The following CNOT6 variants were observed in gnomAD, a reference collection of about 807,000 sequenced individuals.
CNOT6 encodes carbon catabolite repression 4 protein.
CNOT6 carries 12 observed loss-of-function variants against 61.2 expected under a neutral mutation model. That is an observed-to-expected ratio of 0.20 (90% CI 0.13 to 0.32). The LOEUF is 0.32. Ranked by LOEUF, CNOT6 falls within the 10% of genes least tolerant of loss-of-function variation. The pLI is 1.00. For synonymous variants in CNOT6, 225 were observed against 240.6 expected, an observed-to-expected ratio of 0.94 and a Z score of 0.60; for missense variants, 405 against 663.9, an observed-to-expected ratio of 0.61 and a Z score of 4.28.
intron 6 of CNOT6, among the ~76,000 whole-genome samples, chr5:180,565,478 A>G (rs1031228327): frequency 5.9e-5 from 9 of 152,242 alleles, no homozygotes; most frequent in African/African-American, 1.2e-4. Flanking sequence ...CAGTTTCCAC[A>G]TCTTACATTA....
intron 4 of CNOT6, among the ~76,000 whole-genome samples, chr5:180,560,026 G>A (rs1760087695): frequency 6.7e-6 from 1 of 150,184 alleles, no homozygotes; most frequent in South Asian, 2.1e-4. Context: ...TCGGCTCACT[G>A]CAAGTTCCGC....
intron 4 of CNOT6, among the ~76,000 whole-genome samples, chr5:180,561,356 T>TGTGTG (rs1760173264): frequency 1.4e-5 from 2 of 144,746 alleles, no homozygotes; most frequent in African/African-American, 5.2e-5. Flanking sequence ...CTTGTGTGTT[T>TGTGTG]TGTGTGTGTG....
intron 10 of CNOT6, among the ~76,000 whole-genome samples, chr5:180,570,910 A>C (rs1760717415): frequency 6.6e-6 from 1 of 152,234 alleles, no homozygotes; most frequent in Non-Finnish European, 1.5e-5. Context: ...TGTTATCTTT[A>C]ATTCTTTGTA....
At chr5:180,562,406 T>C (rs1479546102) in intron 4 of CNOT6, among the ~76,000 whole-genome samples, 1 of 152,178 alleles carries the variant, frequency 6.6e-6, no homozygotes, top group Non-Finnish European at 1.5e-5. Context: ...ATATATTGTT[T>C]TCTGTTTCCA....
chr5:180,518,777 T>C (rs753016761), intron 1 of CNOT6, among the ~76,000 whole-genome samples: 14 of 152,176 alleles, frequency 9.2e-5, no homozygotes, highest in Non-Finnish European at 1.5e-4. Context: ...CTGGGATTAC[T>C]GGTATGAGCC....
At chr5:180,553,301 T>G (rs1759713063) in intron 3 of CNOT6, 85 bp from the exon 4 acceptor site, 2 of 861,540 alleles carry the variant, frequency 2.3e-6, no homozygotes, top group South Asian at 1.5e-5. Context: ...TCTTAGGTGC[T>G]TATGTTCCTA....
intron 2 of CNOT6, among the ~76,000 whole-genome samples, chr5:180,531,737 C>T (rs552260887): frequency 3.3e-5 from 5 of 152,362 alleles, no homozygotes; most frequent in African/African-American, 9.6e-5. Context: ...AATCCCGGCA[C>T]CTCGGGAGGC....
At position 180,550,042 on chromosome 5, in the gene CNOT6, ATC is replaced by A; in HGVS notation, c.226_227del (p.Leu76GlyfsTer8). ...CCTTCAGACATTGCCAAGCTTCACA[ATC>A]TGGTGTATTTGGACCTGTCATCTAA... On this transcript the variant is annotated frameshift_variant, in exon 3 of 12. Transcript: ENST00000261951. LOFTEE classifies it high-confidence loss of function. 6.2e-7 allele frequency: 1 copy of A among 1,614,096 alleles called. No homozygotes were observed. Among genetic ancestry groups the A allele is most frequent in the Non-Finnish European group, 8.5e-7 (1 of 1,179,966 alleles).
chr5:180,554,615 G>A (rs911195353), intron 4 of CNOT6, among the ~76,000 whole-genome samples: 1 of 151,574 alleles, frequency 6.6e-6, no homozygotes. Context: ...TTTTTTCTGT[G>A]TGGGCTGAAC....
chr5:180,545,507 A>G (rs866016017), intron 2 of CNOT6, among the ~76,000 whole-genome samples: 3 of 151,712 alleles, frequency 2.0e-5, no homozygotes, highest in Non-Finnish European at 2.9e-5. Flanking sequence ...TATCCTCTAT[A>G]CTTATCCTGT....
rs151122228 is a variant in CNOT6, at chr5:180,533,840, C to T, written c.112+4452C>T. On this transcript the variant is annotated intron_variant, in intron 2 of 11. Coordinates refer to ENST00000261951, the MANE Select transcript of CNOT6 (RefSeq NM_001370472.1). Reference sequence around the variant, plus strand: ...TATCCCTCCATAGAACCACCACTCACACCAAGGAGATTATTTGGAGTGGGT... The same window carrying T: ...TATCCCTCCATAGAACCACCACTCATACCAAGGAGATTATTTGGAGTGGGT... 2.5e-3 allele frequency among the ~76,000 whole-genome samples: 380 copies of T among 152,302 alleles called. 3 individuals are homozygous for T. Among genetic ancestry groups the T allele is most frequent in the Non-Finnish European group, 4.4e-3 (296 of 68,040 alleles).
rs755199929 is a variant in CNOT6, at chr5:180,571,395, G to T, written c.1424G>T (p.Gly475Val). The T allele has an allele frequency of 6.2e-7, 1 of 1,614,158 alleles. No individual in the cohort carries two copies. The highest frequency in any genetic ancestry group is 8.5e-7 in the Non-Finnish European group (1 of 1,180,002). The change falls in exon 11 of 12, where the codon GGC (glycine) becomes GTC (valine). Residue 475 changes from glycine (G) to valine (V), a missense_variant. Physicochemically the swap from Gly to Val is moderately radical, Grantham distance 109 (BLOSUM62 -3). Transcript: ENST00000261951. Reference protein sequence around the residue: ...GFKLQSAYESGLMPYTNYTFD... With the variant: ...GFKLQSAYESVLMPYTNYTFD... ...AAGTTACAGAGTGCCTATGAGAGTG[G>T]CCTGATGCCTTACACGAATTACACA...
chr5:180,512,325 G>A (rs961628495), intron 1 of CNOT6, among the ~76,000 whole-genome samples: 1 of 152,214 alleles, frequency 6.6e-6, no homozygotes, highest in African/African-American at 2.4e-5. Context: ...TGTGAAAATG[G>A]TATCACTAAA....
intron 2 of CNOT6, among the ~76,000 whole-genome samples, chr5:180,536,288 C>G (rs769028287): frequency 6.6e-6 from 1 of 151,924 alleles, no homozygotes; most frequent in Non-Finnish European, 1.5e-5. Flanking sequence ...TGTGAGCCAC[C>G]GTGCCTGGCC....
chr5:180,539,822 C>T (rs1758939351), intron 2 of CNOT6, among the ~76,000 whole-genome samples: 1 of 151,946 alleles, frequency 6.6e-6, no homozygotes, highest in South Asian at 2.1e-4. Context: ...ATCTCCTGAC[C>T]TCATGATCCG....
intron 11 of CNOT6, 56 bp downstream of exon 11, chr5:180,571,488 G>A: frequency 8.1e-7 from 1 of 1,240,850 alleles, no homozygotes; most frequent in Non-Finnish European, 1.2e-6. Context: ...CAGGTGTTCT[G>A]ATACATCATT....
chr5:180,556,674 C>T (rs1449500132), intron 4 of CNOT6, among the ~76,000 whole-genome samples: 3 of 152,176 alleles, frequency 2.0e-5, no homozygotes, highest in Non-Finnish European at 2.9e-5. Context: ...GCTACCATCC[C>T]GGGCGCAGTG....
chr5:180,510,441 T>C (rs1757338060), intron 1 of CNOT6, among the ~76,000 whole-genome samples: 1 of 152,198 alleles, frequency 6.6e-6, no homozygotes, highest in Non-Finnish European at 1.5e-5. Flanking sequence ...GAATTGAGGC[T>C]GCGAGAAAGG....
chr5:180,504,136 A>C (rs762672818), intron 1 of CNOT6, among the ~76,000 whole-genome samples: 1 of 152,180 alleles, frequency 6.6e-6, no homozygotes, highest in Non-Finnish European at 1.5e-5. Flanking sequence ...AGTACTTTTC[A>C]TGCTAGTCAA....
Sources: gnomAD v4.1 joint callset for allele counts (sites outside exome capture counted in the v4.1 genomes callset) on GRCh38, gnomAD v4.1.1 for gene constraint, MANE v1.5 for transcripts, NCBI Gene and HGNC (gene_info 2026-07-23, HGNC 2026-07-21) for gene names.